GPR37: variants seen among roughly 807,000 people sequenced by gnomAD.
GPR37 encodes the protein prosaposin receptor GPR37.
Under a neutral mutation model 43.6 loss-of-function variants are expected in GPR37, and 20 were observed. That is an observed-to-expected ratio of 0.46 (90% confidence interval 0.32 to 0.67). The LOEUF is 0.67. Ranked by LOEUF, GPR37 falls within the 30% of genes least tolerant of loss-of-function variation. GPR37 has a pLI of 0.03. For missense variants in GPR37, 724 were observed against 797.2 expected (o/e 0.91, Z 1.11); for synonymous variants, 315 against 322.6 (o/e 0.98, Z 0.25).
chr7:124,749,510 C>T (rs1445084684), intron 1 of GPR37, among the ~76,000 whole-genome samples: 2 of 152,052 alleles, frequency 1.3e-5, no homozygotes, highest in African/African-American at 2.4e-5. Context: ...AATTTTAGTA[C>T]TCAAAACATT....
Position 124,764,508 on chromosome 7 carries a change from T to G in GPR37, c.469A>C (p.Arg157=). The G allele has an allele frequency of 6.2e-7, 1 of 1,613,640 alleles. No homozygotes were observed. The highest frequency in any genetic ancestry group is 8.5e-7 in the Non-Finnish European group (1 of 1,180,026). The stretch of plus-strand genomic sequence containing the variant: ...CTACGCCCGGAAATGCCAGCGCCTC[T>G]GGGACCCTTCTCTTCCTCCTCTGAG... ...QISEEEEKGP[R]GAGISGRSQE... is the part of the protein sequence containing the mutation. Residue 157 remains arginine, a synonymous_variant, in exon 1 of 2, where the codon AGA becomes CGA. Transcript: ENST00000303921. This position sits in a 1 kb window ranked among gnomAD's most constrained non-coding sequence, Gnocchi z 5.4.
rs1333496953 is a variant in GPR37 at position 124,765,667 on chromosome 7, TGACGACGGGGCGAAGCAGGCTGCTG to T, written c.-716_-692del. The T allele has an allele frequency of 3.9e-5, 6 of 152,254 alleles. No homozygotes were observed. The highest frequency in any genetic ancestry group is 5.9e-5 in the Non-Finnish European group (4 of 68,090). 9.4% of individuals were successfully genotyped at this position (152,254 alleles called of 1,614,324 possible). On this transcript the variant is annotated 5_prime_UTR_variant, in exon 1 of 2. Transcript: ENST00000303921. ...AGTTGCTTCTCCTCCAGCTCAAAGT[TGACGACGGGGCGAAGCAGGCTGCTG>T]GACGGCGTGCCGCCGCAGAGAAGGA...
Sources: gnomAD v4.1 joint callset for allele counts (sites outside exome capture counted in the v4.1 genomes callset) on GRCh38, gnomAD v4.1.1 for gene constraint, Gnocchi (gnomAD v3.1) non-coding constraint, MANE v1.5 for transcripts, NCBI Gene and HGNC (gene_info 2026-07-23, HGNC 2026-07-21) for gene names.